Variants in MDGA1 observed in about 807,000 individuals in gnomAD.
MDGA1 encodes MAM domain containing glycosylphosphatidylinositol anchor 1.
MDGA1 carries 54 observed loss-of-function variants against 101.5 expected under a neutral mutation model. The observed-to-expected ratio is 0.53, with a 90% CI of 0.43 to 0.67. MDGA1 has a LOEUF of 0.67. Among genes scored for constraint, MDGA1 ranks in the 30% least tolerant of loss-of-function variants. The pLI, the probability that MDGA1 is intolerant of heterozygous loss-of-function variation, is 0.00. For synonymous variants in MDGA1, 533 were observed against 558.3 expected (o/e 0.95, Z 0.64); for missense variants, 1,083 against 1,323.8 (o/e 0.82, Z 2.82).
At chr6:37,642,652 AT>A (rs548717120) in intron 14 of MDGA1, among the ~76,000 whole-genome samples, 85 of 152,280 alleles carry the variant, frequency 5.6e-4, no homozygotes, top group African/African-American at 1.9e-3. Flanking sequence ...AACAAAAACA[AT>A]TTTAAAAAAA....
rs1236338986 is a variant in MDGA1, at chr6:37,655,600, T to C, written c.579+100A>G. 4 of 833,064 alleles carry C rather than the reference T, an allele frequency of 4.8e-6. No homozygotes were observed. The highest frequency in any genetic ancestry group is 5.6e-6 in the Non-Finnish European group (3 of 534,776). 51.6% of individuals were successfully genotyped at this position (833,064 alleles called of 1,614,324 possible). On this transcript the variant is annotated intron_variant, in intron 4 of 16. Coordinates refer to ENST00000434837, the MANE Select transcript of MDGA1 (RefSeq NM_153487.4). This position sits in a 1 kb window ranked among gnomAD's most constrained non-coding sequence, Gnocchi z 5.1. Reference sequence around the variant, plus strand: ...GTGTGTTTCCAAAGTAAGAATAGAATTGTTGAAGTCAAGGCAGTCCCAAAA... The same window carrying C: ...GTGTGTTTCCAAAGTAAGAATAGAACTGTTGAAGTCAAGGCAGTCCCAAAA...
intron 2 of MDGA1, among the ~76,000 whole-genome samples, chr6:37,660,407 A>T (rs956815125): frequency 6.6e-6 from 1 of 151,716 alleles, no homozygotes; most frequent in Non-Finnish European, 1.5e-5. Flanking sequence ...TCTATCCTCC[A>T]TGTCTCTCAA....
At chr6:37,685,219 G>C (rs1489758641) in intron 1 of MDGA1, among the ~76,000 whole-genome samples, 2 of 151,998 alleles carry the variant, frequency 1.3e-5, no homozygotes, top group Non-Finnish European at 2.9e-5. Flanking sequence ...TTGAACCCAG[G>C]AGACGGAGAA....
chr6:37,651,818 C>T lies in MDGA1; in HGVS notation c.1312+193G>A, dbSNP rs553100271. On this transcript the variant is annotated intron_variant, in intron 7 of 16. Coordinates refer to ENST00000434837, the MANE Select transcript of MDGA1 (RefSeq NM_153487.4). Reference sequence around the variant, plus strand: ...CTCTATGAGGGCAGAGCCTGTTTTGCCCACCGCTCTACCCCAGGACCTAGC... The same window carrying T: ...CTCTATGAGGGCAGAGCCTGTTTTGTCCACCGCTCTACCCCAGGACCTAGC... Among the ~76,000 whole-genome samples the T allele has an allele frequency of 6.0e-4, 92 of 152,282 alleles. 1 individual carries two copies. The South Asian group carries it at 7.3e-3, about 12-fold the overall frequency.
At position 37,650,238 on chromosome 6, in the gene MDGA1, T is replaced by G. The variant is rs769277413; in HGVS notation, c.1480A>C (p.Thr494Pro). 1 of 1,610,898 alleles carries G rather than the reference T, an allele frequency of 6.2e-7. No homozygotes were observed. Among genetic ancestry groups the G allele is most frequent in the Non-Finnish European group, 8.5e-7 (1 of 1,179,290 alleles). ...LLPSGLPLEETPDGKLRLERV... is the reference protein window; with the variant it reads ...LLPSGLPLEEPPDGKLRLERV... The stretch of plus-strand genomic sequence containing the variant: ...TCCAGCCGCAGCTTCCCGTCCGGAG[T>G]CTCCTCCAGGGGCAGCCCCGAGGGC... The change falls in exon 8 of 17, where the codon ACT becomes CCT. Residue 494 changes from threonine (T) to proline (P), a missense_variant. Thr to Pro is a conservative substitution (Grantham distance 38). Around this residue, in one of 3 missense-constraint regions of MDGA1, gnomAD observed 657 missense variants for 771.4 expected, o/e 0.85. Coordinates refer to ENST00000434837, the MANE Select transcript of MDGA1 (RefSeq NM_153487.4).
rs545511690 is a variant in MDGA1 at position 37,637,133 on chromosome 6, C to G, written c.*235G>C. On this transcript the variant is annotated 3_prime_UTR_variant, in exon 17 of 17. Coordinates refer to ENST00000434837, the MANE Select transcript of MDGA1 (RefSeq NM_153487.4). ...TAGAAACTTGTGCTTTAATATATCT[C>G]TGTGTGTGTGAGCATGAGTGTGTGC... 2.2e-4 allele frequency: 103 copies of G among 472,460 alleles called. 1 individual carries two copies. Among genetic ancestry groups the G allele is most frequent in the East Asian group, 2.1e-3 (61 of 29,138 alleles). The allele number at this position is 472,460 out of a possible 1,614,324, so 29.3% of individuals were successfully genotyped here. A position where few individuals can be genotyped will look rare whatever the true frequency, so the allele number is the denominator to read the frequency against.
At chr6:37,671,899 G>C (rs571747708) in intron 1 of MDGA1, among the ~76,000 whole-genome samples, 23 of 152,212 alleles carry the variant, frequency 1.5e-4, no homozygotes, top group Non-Finnish European at 2.6e-4. Flanking sequence ...CCAGCACTTT[G>C]GGAGGCCAAC....
intron 2 of MDGA1, among the ~76,000 whole-genome samples, chr6:37,658,952 C>T (rs1182561724): frequency 1.7e-5 from 2 of 118,568 alleles, no homozygotes; most frequent in Non-Finnish European, 3.2e-5. Flanking sequence ...GCCTGGGCAA[C>T]GGAGCAAGAC....
chr6:37,634,302 G>A lies in MDGA1; in HGVS notation c.*3066C>T, dbSNP rs1763880995. The A allele has an allele frequency of 6.5e-6, 1 of 152,822 alleles. No individual in the cohort carries two copies. Among genetic ancestry groups the A allele is most frequent in the Non-Finnish European group, 1.5e-5 (1 of 68,158 alleles). 9.5% of individuals were successfully genotyped at this position (152,822 alleles called of 1,614,324 possible). A position where few individuals can be genotyped will look rare whatever the true frequency, so the allele number is the denominator to read the frequency against. ...TGCCTCAGTCACCCTGACCCAGAGG[G>A]CGAGGCTGCCACTGGGGAGATGTGC... On this transcript the variant is annotated 3_prime_UTR_variant, in exon 17 of 17. Transcript: ENST00000434837. The surrounding 1 kb of genome is among the most constrained non-coding windows in gnomAD (Gnocchi z 4.7).
Position 37,635,605 on chromosome 6 carries a change from T to TTGCCTCGGTTCCCCGCCTGCCTC in MDGA1, c.*1740_*1762dup. The TTGCCTCGGTTCCCCGCCTGCCTC allele has an allele frequency of 2.5e-6, 1 of 398,662 alleles. No homozygotes were observed. The highest frequency in any genetic ancestry group is 4.4e-6 in the Non-Finnish European group (1 of 226,092). 24.7% of individuals were successfully genotyped at this position (398,662 alleles called of 1,614,324 possible). ...CCTGGCAGGGGGAGATGGGCAGCCT[T>TTGCCTCGGTTCCCCGCCTGCCTC]TGCCTCGGTTCCCCGCCTGCCTCCT... On this transcript the variant is annotated 3_prime_UTR_variant, in exon 17 of 17. Transcript: ENST00000434837.
In MDGA1 at chr6:37,638,815, T is replaced by C; in HGVS notation, c.2537-148A>G. ...TCCCCATGCCCAGCTGGGTGCAATG[T>C]CCCATTCCTGCAGGGACACCCTCAG... On this transcript the variant is annotated intron_variant, in intron 14 of 16. Coordinates refer to ENST00000434837, the MANE Select transcript of MDGA1 (RefSeq NM_153487.4). The surrounding 1 kb of genome is among the most constrained non-coding windows in gnomAD (Gnocchi z 4.8). 3 of 1,042,024 alleles carry C rather than the reference T, an allele frequency of 2.9e-6. No homozygotes were observed. The highest frequency in any genetic ancestry group is 2.8e-6 in the Non-Finnish European group (2 of 726,782). The allele number at this position is 1,042,024 out of a possible 1,614,324, so 64.5% of individuals were successfully genotyped here.
At chr6:37,667,138 C>T (rs983764915) in intron 1 of MDGA1, among the ~76,000 whole-genome samples, 4 of 152,320 alleles carry the variant, frequency 2.6e-5, no homozygotes, top group Middle Eastern at 3.4e-3. Context: ...AGAGGTGGCC[C>T]GGCAGCAGGT....
rs373901778 is a variant in MDGA1, at chr6:37,660,598, C to T, written c.208-2179G>A. On this transcript the variant is annotated intron_variant, in intron 2 of 16. Transcript: ENST00000434837. ...TTCTAGGATTTCTGTTTGCTAATTT[C>T]TGTACCTAACTGATCAGGTTTTATA... 3.2e-3 allele frequency among the ~76,000 whole-genome samples: 484 copies of T among 152,240 alleles called. 5 individuals carry two copies. Among genetic ancestry groups the T allele is most frequent in the African/African-American group, 0.011 (458 of 41,538 alleles).
At position 37,635,606 on chromosome 6, in the gene MDGA1, T is replaced by C. The variant is rs1763911212; in HGVS notation, c.*1762A>G. On this transcript the variant is annotated 3_prime_UTR_variant, in exon 17 of 17. Transcript: ENST00000434837. ...CTGGCAGGGGGAGATGGGCAGCCTT[T>C]GCCTCGGTTCCCCGCCTGCCTCCTG... is the stretch of plus-strand genomic sequence containing the variant. 2.5e-6 allele frequency: 1 copy of C among 398,582 alleles called. No homozygotes were observed. The allele number at this position is 398,582 out of a possible 1,614,324, so 24.7% of individuals were successfully genotyped here.
At chr6:37,661,302 C>G (rs550398321) in intron 2 of MDGA1, among the ~76,000 whole-genome samples, 1 of 152,222 alleles carries the variant, frequency 6.6e-6, no homozygotes, top group African/African-American at 2.4e-5. Context: ...CCTGCCATCA[C>G]TGTAGATTCT....
At chr6:37,646,408 G>T (rs937038195) in intron 10 of MDGA1, 33 bp from the exon 11 acceptor site, 11 of 1,428,516 alleles carry the variant, frequency 7.7e-6, no homozygotes, top group Middle Eastern at 3.7e-4. Context: ...AGATGCCTAG[G>T]AAGTCAGGCC....
Position 37,681,004 on chromosome 6 carries a change from C to A in MDGA1, c.67+15741G>T, listed in dbSNP as rs113775274. Among the ~76,000 whole-genome samples the A allele has an allele frequency of 3.3e-5, 5 of 152,108 alleles. No homozygotes were observed. The South Asian group carries it at 8.3e-4, about 25-fold the overall frequency. On this transcript the variant is annotated intron_variant, in intron 1 of 16. Transcript: ENST00000434837. ...CCCACCCTTCCTCCTCAGCCCCCCC[C>A]CCCCAGGAAACCTGGGCAGGACCAG...
At position 37,637,274 on chromosome 6, in the gene MDGA1, T is replaced by C; in HGVS notation, c.*94A>G. 9.5e-7 allele frequency: 1 copy of C among 1,049,402 alleles called. No homozygotes were observed. The highest frequency in any genetic ancestry group is 1.4e-5 in the South Asian group (1 of 69,038). 65.0% of individuals were successfully genotyped at this position (1,049,402 alleles called of 1,614,324 possible). A position where few individuals can be genotyped will look rare whatever the true frequency, so the allele number is the denominator to read the frequency against. ...CTCCCTGGCGGGCCGGCCCTGCCCCTGGGCACCCCAGCTGGCGGGGGTCAG... is the reference window on the plus strand; with the variant it reads ...CTCCCTGGCGGGCCGGCCCTGCCCCCGGGCACCCCAGCTGGCGGGGGTCAG... On this transcript the variant is annotated 3_prime_UTR_variant, in exon 17 of 17. Transcript: ENST00000434837.
chr6:37,663,924 T>C (rs546747861), intron 2 of MDGA1, 43 bp downstream of exon 2: 2 of 1,607,660 alleles, frequency 1.2e-6, no homozygotes, highest in Non-Finnish European at 1.7e-6. Context: ...CTAGGCAAGG[T>C]GAGGGTAGGA....
Sources: allele counts gnomAD v4.1 joint callset (sites outside exome capture counted in the v4.1 genomes callset), GRCh38; gene constraint gnomAD v4.1.1; regional missense constraint gnomAD v4.1.1; non-coding constraint Gnocchi (gnomAD v3.1); transcripts MANE v1.5; gene names NCBI Gene and HGNC (gene_info 2026-07-23, HGNC 2026-07-21).